Variants in INVS observed in about 807,000 individuals in gnomAD.
INVS encodes inversion of embryo turning homolog.
A neutral mutation model predicts 108.8 loss-of-function variants in INVS; 86 were observed. The observed-to-expected ratio is 0.79, with a 90% CI of 0.66 to 0.95. INVS has a LOEUF of 0.95. Ranked by LOEUF, INVS falls within the 40% of genes least tolerant of loss-of-function variation. The pLI is 0.00. For missense variants in INVS, 1,169 were observed against 1,297.4 expected, an observed-to-expected ratio of 0.90 and a Z score of 1.52; for synonymous variants, 455 against 473.5, an observed-to-expected ratio of 0.96 and a Z score of 0.51.
chr9:100,243,428 G>A (rs921443224), intron 7 of INVS, among the ~76,000 whole-genome samples: 2 of 152,152 alleles, frequency 1.3e-5, no homozygotes, highest in Admixed American at 1.3e-4. Context: ...AATAGAATGT[G>A]CTCTCATTAC....
At chr9:100,125,833 C>T (rs1441427224) in intron 2 of INVS, among the ~76,000 whole-genome samples, 1 of 151,836 alleles carries the variant, frequency 6.6e-6, no homozygotes, top group African/African-American at 2.4e-5. Context: ...TTACAGGCGC[C>T]CGCCACCACG....
At chr9:100,113,181 T>A (rs1314961391) in intron 2 of INVS, among the ~76,000 whole-genome samples, 2 of 152,234 alleles carry the variant, frequency 1.3e-5, no homozygotes, top group Non-Finnish European at 2.9e-5. Context: ...ATCTTTGGAA[T>A]CTTCTAGATT....
intron 12 of INVS, among the ~76,000 whole-genome samples, chr9:100,284,091 C>T (rs1029844753): frequency 9.9e-5 from 15 of 152,124 alleles, no homozygotes; most frequent in African/African-American, 3.6e-4. Flanking sequence ...CTCAACAGCA[C>T]AAAGACTGAT....
In INVS at chr9:100,284,548, G is replaced by A; in HGVS notation, c.2013G>A (p.Gln671=). 6.2e-7 allele frequency: 1 copy of A among 1,613,958 alleles called. No individual in the cohort carries two copies. Among genetic ancestry groups the A allele is most frequent in the East Asian group, 2.2e-5 (1 of 44,876 alleles). The change falls in exon 13 of 17, where the codon CAG becomes CAA. Residue 671 remains glutamine (Q), a synonymous_variant. Coordinates refer to ENST00000262457, the MANE Select transcript of INVS (RefSeq NM_014425.5). ...SPGGSLGGAL[Q]KEQHVSSDLQ... ...GAGGGTCTCTAGGCGGAGCCCTCCA[G>A]AAGGAGCAGCATGTTTCCTCAGATT...
rs1826957123 is a variant in INVS, at chr9:100,100,986, A to ATATATGTATATATAATATATATAT, written c.-25+1585_-25+1608dup. Among the ~76,000 whole-genome samples the ATATATGTATATATAATATATATAT allele has an allele frequency of 1.4e-4, 10 of 73,620 alleles. No individual in the cohort carries two copies. The South Asian group carries it at 2.2e-3, about 16-fold the overall frequency. 48.3% of individuals were successfully genotyped at this position (73,620 alleles called of 152,430 possible). On this transcript the variant is annotated intron_variant, in intron 1 of 16. Coordinates refer to ENST00000262457, the MANE Select transcript of INVS (RefSeq NM_014425.5). ...ATATAATATATATTATATATATAAT[A>ATATATGTATATATAATATATATAT]TATATGTATATATAATATATATATT...
chr9:100,100,309 A>C (rs1238113725), intron 1 of INVS, among the ~76,000 whole-genome samples: 1 of 151,708 alleles, frequency 6.6e-6, no homozygotes, highest in Non-Finnish European at 1.5e-5. Context: ...CAATACTCTT[A>C]CCAAGGCGGC....
At chr9:100,129,307 C>T (rs144167541) in intron 3 of INVS, among the ~76,000 whole-genome samples, 2 of 151,854 alleles carry the variant, frequency 1.3e-5, no homozygotes, top group African/African-American at 2.4e-5. Context: ...CATGACGAAA[C>T]CCTGTCTCTA....
At chr9:100,176,392 G>A (rs10819731) in intron 3 of INVS, among the ~76,000 whole-genome samples, 6 of 151,988 alleles carry the variant, frequency 3.9e-5, no homozygotes, top group South Asian at 2.1e-4. Context: ...AGAACCTAGC[G>A]TCAAGAATAG....
chr9:100,115,025 T>C (rs1429406111), intron 2 of INVS, among the ~76,000 whole-genome samples: 1 of 152,198 alleles, frequency 6.6e-6, no homozygotes, highest in East Asian at 1.9e-4. Context: ...AGCTATACCA[T>C]TTTGCATTTC....
rs2118429203 is a variant in INVS at position 100,229,809 on chromosome 9, C to T, written c.597C>T (p.His199=). 2 of 1,614,130 alleles carry T rather than the reference C, an allele frequency of 1.2e-6. No homozygotes were observed. The highest frequency in any genetic ancestry group is 1.7e-6 in the Non-Finnish European group (2 of 1,179,988). ...ACCATAAAGATCCAAGTGCTGTTCA[C>T]ACAGTGAGATGCATTCTGGTGAGTT... ...AANHKDPSAV[H]TVRCILDAAP... The change falls in exon 5 of 17, where the codon CAC becomes CAT. Residue 199 remains histidine (H), a synonymous_variant. Transcript: ENST00000262457.
At chr9:100,148,300 G>T (rs974616875) in intron 3 of INVS, among the ~76,000 whole-genome samples, 1 of 152,164 alleles carries the variant, frequency 6.6e-6, no homozygotes, top group Admixed American at 6.6e-5. Context: ...GACTAGAGCA[G>T]AAGTAGGAGA....
intron 11 of INVS, among the ~76,000 whole-genome samples, chr9:100,267,453 G>A (rs1255784688): frequency 6.6e-6 from 1 of 152,186 alleles, no homozygotes; most frequent in Non-Finnish European, 1.5e-5. Flanking sequence ...CATCCCATCA[G>A]ACCATTCCCA....
intron 4 of INVS, among the ~76,000 whole-genome samples, chr9:100,228,668 G>A (rs962852603): frequency 6.6e-6 from 1 of 152,042 alleles, no homozygotes; most frequent in South Asian, 2.1e-4. Flanking sequence ...TAAGAGGTCA[G>A]ATTCTGGAGT....
chr9:100,163,573 A>G (rs777107103), intron 3 of INVS, among the ~76,000 whole-genome samples: 3 of 152,198 alleles, frequency 2.0e-5, no homozygotes, highest in Non-Finnish European at 4.4e-5. Flanking sequence ...TTTAAAGTAT[A>G]TATTATATCA....
At chr9:100,281,335 A>G (rs1833269636) in intron 12 of INVS, among the ~76,000 whole-genome samples, 1 of 152,226 alleles carries the variant, frequency 6.6e-6, no homozygotes, top group African/African-American at 2.4e-5. Flanking sequence ...CTCTTACACT[A>G]TGAGCAATGG....
intron 2 of INVS, among the ~76,000 whole-genome samples, chr9:100,115,929 C>T (rs1827506466): frequency 6.6e-6 from 1 of 152,072 alleles, no homozygotes; most frequent in South Asian, 2.1e-4. Context: ...AAAAGTGTTC[C>T]TATTTCTCCA....
At chr9:100,279,026 A>G (rs1833197842) in intron 12 of INVS, among the ~76,000 whole-genome samples, 1 of 152,244 alleles carries the variant, frequency 6.6e-6, no homozygotes, top group Admixed American at 6.5e-5. Flanking sequence ...TGCCAGATTT[A>G]GAGAATATTG....
At position 100,300,767 on chromosome 9, in the gene INVS, C is replaced by T. The variant is rs370326852; in HGVS notation, c.*93C>T. ...GATAATCTTTTACACCTTGGGAAAA[C>T]TTTAATATCCGTACCTGAAGGCTGA... On this transcript the variant is annotated 3_prime_UTR_variant, in exon 17 of 17. Transcript: ENST00000262457. 2 of 851,840 alleles carry T rather than the reference C, an allele frequency of 2.3e-6. No individual in the cohort carries two copies. Among genetic ancestry groups the T allele is most frequent in the East Asian group, 5.2e-5 (2 of 38,716 alleles). The allele number at this position is 851,840 out of a possible 1,614,324, so 52.8% of individuals were successfully genotyped here.
chr9:100,271,761 T>C (rs571205986), intron 11 of INVS, among the ~76,000 whole-genome samples: 1 of 152,344 alleles, frequency 6.6e-6, no homozygotes, highest in South Asian at 2.1e-4. Context: ...TAAGAGCTAT[T>C]AGTACTCTTC....
Sources: allele counts gnomAD v4.1 joint callset (sites outside exome capture counted in the v4.1 genomes callset), GRCh38; gene constraint gnomAD v4.1.1; transcripts MANE v1.5; gene names NCBI Gene and HGNC (gene_info 2026-07-23, HGNC 2026-07-21).